ROBO2: variants seen among roughly 807,000 people sequenced by gnomAD.
ROBO2 encodes roundabout homolog 2.
ROBO2 carries 53 observed loss-of-function variants against 160.8 expected under a neutral mutation model. The ratio of observed to expected loss-of-function variants is 0.33; its 90% CI spans 0.26 to 0.41. ROBO2 has a LOEUF of 0.41. ROBO2 is among the 10% of genes least tolerant of loss of function. The probability of loss-of-function intolerance (pLI) is 1.00; values close to 1 mark genes in which losing one functional copy is unlikely to be tolerated. For missense variants in ROBO2, 1,577 were observed against 1,722.4 expected (o/e 0.92, Z 1.49); for synonymous variants, 664 against 611.7 (o/e 1.09, Z -1.26).
chr3:76,932,993 T>A (rs1028298074), intron 2 of ROBO2, among the ~76,000 whole-genome samples: 1 of 152,146 alleles, frequency 6.6e-6, no homozygotes, highest in African/African-American at 2.4e-5. Flanking sequence ...AGGAACACTT[T>A]GCTTGTTAGG....
At chr3:77,000,254 C>T (rs949109397) in intron 2 of ROBO2, among the ~76,000 whole-genome samples, 4 of 152,090 alleles carry the variant, frequency 2.6e-5, no homozygotes, top group Non-Finnish European at 4.4e-5. Context: ...GAGTGATTCC[C>T]GTATATCTGC....
At chr3:77,019,856 T>C (rs2062515598) in intron 2 of ROBO2, among the ~76,000 whole-genome samples, 1 of 152,228 alleles carries the variant, frequency 6.6e-6, no homozygotes, top group South Asian at 2.1e-4. Context: ...ACATTGCCTC[T>C]TGAAGTTAAA....
chr3:76,447,296 C>T (rs2109215011), intron 2 of ROBO2, among the ~76,000 whole-genome samples: 1 of 152,280 alleles, frequency 6.6e-6, no homozygotes, highest in Non-Finnish European at 1.5e-5. Flanking sequence ...AAAAAATGCT[C>T]ATCATCTCTG....
At chr3:76,180,830 A>G (rs1314984575) in intron 2 of ROBO2, among the ~76,000 whole-genome samples, 2 of 152,110 alleles carry the variant, frequency 1.3e-5, no homozygotes, top group Non-Finnish European at 2.9e-5. Context: ...TTAAAGGAAA[A>G]CATCTTACCA....
chr3:75,974,319 T>C (rs2065077759), intron 2 of ROBO2, among the ~76,000 whole-genome samples: 1 of 151,670 alleles, frequency 6.6e-6, no homozygotes, highest in Non-Finnish European at 1.5e-5. Context: ...TTCAGATAAG[T>C]ATTAATTTTT....
At chr3:76,745,070 C>A (rs921489822) in intron 2 of ROBO2, among the ~76,000 whole-genome samples, 3 of 152,058 alleles carry the variant, frequency 2.0e-5, no homozygotes, top group African/African-American at 7.2e-5. Context: ...AAAAAGTGCA[C>A]GTGACTTTCA....
At chr3:76,065,760 C>T (rs1476338226) in intron 2 of ROBO2, among the ~76,000 whole-genome samples, 2 of 146,416 alleles carry the variant, frequency 1.4e-5, no homozygotes. Context: ...TATACACACA[C>T]ACACACACAC....
chr3:76,384,122 T>G (rs74624840), intron 2 of ROBO2, among the ~76,000 whole-genome samples: 2,161 of 152,358 alleles, frequency 0.014, 45 homozygotes, highest in African/African-American at 0.049. Context: ...AACGCTTTCT[T>G]TGCCAACCGC....
chr3:77,486,765 A>G (rs775573335), intron 4 of ROBO2, among the ~76,000 whole-genome samples: 4 of 151,834 alleles, frequency 2.6e-5, no homozygotes, highest in Non-Finnish European at 5.9e-5. Flanking sequence ...TTTTAATAAC[A>G]CTTTTTTTTA....
intron 2 of ROBO2, among the ~76,000 whole-genome samples, chr3:76,622,242 GAAAGAAAGAAAGAAAGAAAGAAAGA>G (rs2089207714): frequency 1.3e-4 from 12 of 92,232 alleles, no homozygotes; most frequent in Admixed American, 1.1e-4. Context: ...AAGGAAGAAA[GAAAGAAAGAAAGAAAGAAAGAAAGA>G]AAGAAAGAAA....
At chr3:77,528,027 A>T (rs180778849) in intron 6 of ROBO2, among the ~76,000 whole-genome samples, 1 of 151,652 alleles carries the variant, frequency 6.6e-6, no homozygotes, top group East Asian at 1.9e-4. Flanking sequence ...CTTATTTTTC[A>T]TTTGGCTTTG....
At chr3:77,625,846 TC>T (rs2095010100) in intron 23 of ROBO2, among the ~76,000 whole-genome samples, 1 of 152,198 alleles carries the variant, frequency 6.6e-6, no homozygotes. Context: ...TTACTATCTG[TC>T]ATTTTACAGA....
chr3:77,283,980 C>T (rs1269569939), intron 2 of ROBO2, among the ~76,000 whole-genome samples: 1 of 152,140 alleles, frequency 6.6e-6, no homozygotes, highest in African/African-American at 2.4e-5. Flanking sequence ...GTTTCTATAG[C>T]TTTACCCACA....
intron 2 of ROBO2, among the ~76,000 whole-genome samples, chr3:77,372,786 C>T (rs1469550113): frequency 6.6e-6 from 1 of 151,946 alleles, no homozygotes; most frequent in Non-Finnish European, 1.5e-5. Context: ...AAATGAAGTT[C>T]CTTCCTCTTA....
chr3:77,115,938 G>A (rs555719982), intron 2 of ROBO2, among the ~76,000 whole-genome samples: 11 of 152,186 alleles, frequency 7.2e-5, no homozygotes, highest in East Asian at 1.9e-4. Flanking sequence ...TGACCCCTTC[G>A]TGGCCCTGAC....
chr3:76,674,946 A>G (rs1469606248), intron 2 of ROBO2, among the ~76,000 whole-genome samples: 1 of 152,220 alleles, frequency 6.6e-6, no homozygotes, highest in African/African-American at 2.4e-5. Flanking sequence ...CATGAAAAAA[A>G]ACAAACAAAA....
intron 2 of ROBO2, among the ~76,000 whole-genome samples, chr3:76,622,242 GAAAGAAAGAAAGAAAGAAAGA>G (rs2089207434): frequency 5.4e-5 from 5 of 92,162 alleles, no homozygotes; most frequent in Admixed American, 1.1e-4. Flanking sequence ...AAGGAAGAAA[GAAAGAAAGAAAGAAAGAAAGA>G]AAGAAAGAAA....
chr3:75,953,625 T>C (rs931349829), intron 2 of ROBO2, among the ~76,000 whole-genome samples: 1 of 151,910 alleles, frequency 6.6e-6, no homozygotes, highest in Non-Finnish European at 1.5e-5. Flanking sequence ...CAGAAAGCTT[T>C]TTATCATTTC....
chr3:76,195,817 G>A (rs1389262478), intron 2 of ROBO2, among the ~76,000 whole-genome samples: 3 of 152,258 alleles, frequency 2.0e-5, no homozygotes, highest in African/African-American at 7.2e-5. Context: ...AAAGGCAAAG[G>A]ACAGCTGCAA....
Sources: gnomAD v4.1 joint callset for allele counts (sites outside exome capture counted in the v4.1 genomes callset) on GRCh38, gnomAD v4.1.1 for gene constraint, MANE v1.5 for transcripts, NCBI Gene and HGNC (gene_info 2026-07-23, HGNC 2026-07-21) for gene names.